The following SMOC2 variants were observed in gnomAD, a reference collection of about 807,000 sequenced individuals.
The protein encoded by SMOC2 is SPARC related modular calcium binding 2.
In SMOC2, 39 loss-of-function variants were observed where a neutral mutation model predicts 61.4. The ratio of observed to expected loss-of-function variants is 0.64; its 90% CI spans 0.49 to 0.83. The LOEUF is 0.83. Ranked by LOEUF, SMOC2 falls within the 40% of genes least tolerant of loss-of-function variation. The pLI is 0.00. For synonymous variants in SMOC2, 247 were observed against 239.9 expected (o/e 1.03, Z -0.27); for missense variants, 556 against 592.9 (o/e 0.94, Z 0.65).
At chr6:168,646,858 G>C (rs1408964542) in intron 9 of SMOC2, among the ~76,000 whole-genome samples, 2 of 152,208 alleles carry the variant, frequency 1.3e-5, no homozygotes, top group Non-Finnish European at 2.9e-5. Context: ...GGATTCTGCA[G>C]ATCAGCTGGA....
chr6:168,600,314 G>A (rs949596334), intron 8 of SMOC2, among the ~76,000 whole-genome samples: 2 of 151,428 alleles, frequency 1.3e-5, no homozygotes, highest in African/African-American at 4.9e-5. Flanking sequence ...GGCTGAGGCA[G>A]GAGAATTGCT....
intron 8 of SMOC2, among the ~76,000 whole-genome samples, chr6:168,599,256 A>C (rs1785430017): frequency 7.3e-6 from 1 of 137,022 alleles, no homozygotes; most frequent in Non-Finnish European, 1.6e-5. Flanking sequence ...CCACACACAT[A>C]CCCACACACA....
At chr6:168,470,660 G>T (rs1781949879) in intron 1 of SMOC2, among the ~76,000 whole-genome samples, 1 of 152,136 alleles carries the variant, frequency 6.6e-6, no homozygotes, top group South Asian at 2.1e-4. Context: ...CTGGGTGACA[G>T]AGCAGGACTC....
chr6:168,455,007 C>G (rs368501920), intron 1 of SMOC2, among the ~76,000 whole-genome samples: 3 of 152,078 alleles, frequency 2.0e-5, no homozygotes, highest in Non-Finnish European at 2.9e-5. Context: ...TGGCCGGGGT[C>G]TCAGATGGGA....
chr6:168,534,908 C>T (rs1365808008), intron 4 of SMOC2, among the ~76,000 whole-genome samples: 1 of 152,104 alleles, frequency 6.6e-6, no homozygotes, highest in African/African-American at 2.4e-5. Context: ...TAAATGGCCC[C>T]AATTTGTATA....
intron 1 of SMOC2, among the ~76,000 whole-genome samples, chr6:168,450,439 G>A (rs917127024): frequency 6.6e-6 from 1 of 152,100 alleles, no homozygotes; most frequent in Non-Finnish European, 1.5e-5. Context: ...ATTTTCCAGG[G>A]CCCCTTATTT....
At chr6:168,545,019 G>C (rs554622155) in intron 5 of SMOC2, among the ~76,000 whole-genome samples, 26 of 152,258 alleles carry the variant, frequency 1.7e-4, no homozygotes, top group African/African-American at 6.0e-4. Flanking sequence ...ACTGGGTTGG[G>C]GGAGGGTTTA....
intron 9 of SMOC2, among the ~76,000 whole-genome samples, chr6:168,621,442 T>A (rs1482111326): frequency 3.3e-5 from 5 of 152,248 alleles, no homozygotes; most frequent in African/African-American, 1.2e-4. Flanking sequence ...ATATGCTCTT[T>A]AAAAATGTAT....
chr6:168,452,654 C>A lies in SMOC2; in HGVS notation c.84+11200C>A, dbSNP rs1451007517. Among the ~76,000 whole-genome samples the A allele has an allele frequency of 6.6e-6, 1 of 152,106 alleles. No individual in the cohort carries two copies. The highest frequency in any genetic ancestry group is 1.5e-5 in the Non-Finnish European group (1 of 68,008). On this transcript the variant is annotated intron_variant, in intron 1 of 12. Transcript: ENST00000356284. This position sits in a 1 kb window ranked among gnomAD's most constrained non-coding sequence, Gnocchi z 5.0. ...AACACCACTTGCATTTTTTTGTACC[C>A]CAAAATCTGAAGGAAATTTTGAAAA...
At chr6:168,537,664 A>T (rs1033402354) in intron 4 of SMOC2, among the ~76,000 whole-genome samples, 2 of 152,208 alleles carry the variant, frequency 1.3e-5, no homozygotes, top group Admixed American at 1.3e-4. Context: ...GGAGCCCCTA[A>T]GAACACAGGA....
chr6:168,485,572 C>T (rs1189269076), intron 1 of SMOC2, among the ~76,000 whole-genome samples: 2 of 152,108 alleles, frequency 1.3e-5, no homozygotes, highest in East Asian at 1.9e-4. Flanking sequence ...TATTCACAAA[C>T]GACCTCATAT....
At chr6:168,624,508 G>A (rs549973119) in intron 9 of SMOC2, among the ~76,000 whole-genome samples, 10 of 152,258 alleles carry the variant, frequency 6.6e-5, no homozygotes, top group Non-Finnish European at 1.2e-4. Flanking sequence ...AAGACACACA[G>A]ACACAGATGA....
chr6:168,613,669 AC>A (rs1785955298), intron 9 of SMOC2, among the ~76,000 whole-genome samples: 2 of 136,604 alleles, frequency 1.5e-5, no homozygotes, highest in Non-Finnish European at 3.2e-5. Context: ...GCCTCTTCAC[AC>A]CTACAGCCAG....
chr6:168,554,600 C>T (rs1784204781), intron 7 of SMOC2, among the ~76,000 whole-genome samples: 1 of 152,232 alleles, frequency 6.6e-6, no homozygotes, highest in African/African-American at 2.4e-5. Flanking sequence ...TCCTGGAAGA[C>T]CTTTCCTGAT....
chr6:168,633,916 G>T (rs1281736457), intron 9 of SMOC2, among the ~76,000 whole-genome samples: 1 of 152,186 alleles, frequency 6.6e-6, no homozygotes. Flanking sequence ...CCCCTACACT[G>T]CTCTTCTCAT....
At chr6:168,566,479 CT>C (rs10553952) in intron 7 of SMOC2, among the ~76,000 whole-genome samples, 1,556 of 118,180 alleles carry the variant, frequency 0.013, 15 homozygotes, top group African/African-American at 0.044. Context: ...TGTAGCACTT[CT>C]TTTTTTTTTT....
chr6:168,623,865 G>A (rs560286774), intron 9 of SMOC2, among the ~76,000 whole-genome samples: 44 of 152,262 alleles, frequency 2.9e-4, no homozygotes, highest in African/African-American at 9.9e-4. Context: ...TGGCTGATGC[G>A]TGCTGAGGCC....
At position 168,441,220 on chromosome 6, in the gene SMOC2, C is replaced by A; in HGVS notation, c.-151C>A. 8.0e-7 allele frequency: 1 copy of A among 1,245,998 alleles called. No homozygotes were observed. Among genetic ancestry groups the A allele is most frequent in the Non-Finnish European group, 1.0e-6 (1 of 970,542 alleles). The allele number at this position is 1,245,998 out of a possible 1,614,324, so 77.2% of individuals were successfully genotyped here. ...CCTCTGGGTGCCTGCAGGGGAGCTG[C>A]TCCAGCCGGGCCGCCGGGAGCGGTG... On this transcript the variant is annotated 5_prime_UTR_variant, in exon 1 of 13. Transcript: ENST00000356284.
chr6:168,482,711 A>C (rs1157334668), intron 1 of SMOC2, among the ~76,000 whole-genome samples: 3 of 152,234 alleles, frequency 2.0e-5, no homozygotes, highest in East Asian at 3.9e-4. Flanking sequence ...CACCATGATC[A>C]TGTGGGATTT....
Sources: allele counts gnomAD v4.1 joint callset (sites outside exome capture counted in the v4.1 genomes callset), GRCh38; gene constraint gnomAD v4.1.1; non-coding constraint Gnocchi (gnomAD v3.1); transcripts MANE v1.5; gene names NCBI Gene and HGNC (gene_info 2026-07-23, HGNC 2026-07-21).